ELSPBP1: variants seen among roughly 807,000 people sequenced by gnomAD.
The protein encoded by ELSPBP1 is epididymal sperm binding protein 1.
In ELSPBP1, 38 loss-of-function variants were observed where a neutral mutation model predicts 33.3. The ratio of observed to expected loss-of-function variants is 1.14; its 90% CI spans 0.88 to 1.50. The LOEUF (loss-of-function observed/expected upper bound fraction) is 1.50, where lower values mean the gene tolerates loss of function less well. ELSPBP1 is among the 40% of genes most tolerant of loss of function. The pLI is 0.00. For synonymous variants in ELSPBP1, 85 were observed against 94.1 expected, an observed-to-expected ratio of 0.90 and a Z score of 0.56; for missense variants, 267 against 263.5, an observed-to-expected ratio of 1.01 and a Z score of -0.09.
At chr19:47,999,387 CTTTTTTTTTTT>C (rs397937280) in intron 1 of ELSPBP1, among the ~76,000 whole-genome samples, 3 of 129,976 alleles carry the variant, frequency 2.3e-5, no homozygotes, top group African/African-American at 8.8e-5. Context: ...AGCCTCATTT[CTTTTTTTTTTT>C]TTTTTTTTGA....
At chr19:48,015,814 G>A in intron 3 of ELSPBP1, 79 bp from the exon 4 acceptor site, 1 of 1,372,078 alleles carries the variant, frequency 7.3e-7, no homozygotes, top group Non-Finnish European at 1.0e-6. Context: ...GTCCTATGAT[G>A]GTTGATTGAT....
chr19:48,022,377 G>C (rs1967211298), intron 6 of ELSPBP1, 43 bp downstream of exon 6: 1 of 1,536,554 alleles, frequency 6.5e-7, no homozygotes, highest in Admixed American at 2.0e-5. Context: ...GGATGCAGAG[G>C]TGAGACAGGT....
intron 4 of ELSPBP1, among the ~76,000 whole-genome samples, chr19:48,016,873 A>G (rs558306227): frequency 5.3e-5 from 8 of 152,126 alleles, no homozygotes; most frequent in Non-Finnish European, 1.0e-4. Context: ...TGCTAGGATT[A>G]CAGGCATGAG....
intron 1 of ELSPBP1, among the ~76,000 whole-genome samples, chr19:47,996,904 G>A (rs1030869398): frequency 3.3e-5 from 5 of 152,100 alleles, no homozygotes; most frequent in South Asian, 2.1e-4. Flanking sequence ...CATCATCATC[G>A]TCATCATTAA....
In ELSPBP1 at chr19:48,011,341, TGAC is replaced by T. The variant is rs754885178; in HGVS notation, c.70+2605_70+2607del. ...TGATGGTGACAATGACTGATGATGA[TGAC>T]AATTATGACGATGATGATGATGATG... On this transcript the variant is annotated intron_variant, in intron 2 of 6. Coordinates refer to ENST00000339841, the MANE Select transcript of ELSPBP1 (RefSeq NM_022142.5). This position sits in a 1 kb window ranked among gnomAD's most constrained non-coding sequence, Gnocchi z 4.5. Among the ~76,000 whole-genome samples, 105 of 151,700 alleles carry T rather than the reference TGAC, an allele frequency of 6.9e-4. No homozygotes were observed. Among genetic ancestry groups the T allele is most frequent in the African/African-American group, 9.0e-4 (37 of 41,308 alleles).
intron 1 of ELSPBP1, among the ~76,000 whole-genome samples, chr19:48,000,488 C>T (rs145013010): frequency 9.0e-4 from 137 of 152,246 alleles, no homozygotes; most frequent in African/African-American, 3.1e-3. Context: ...ATTCGCCCTC[C>T]TCGGCCTCCC....
At chr19:48,016,865 C>G (rs1450457653) in intron 4 of ELSPBP1, among the ~76,000 whole-genome samples, 2 of 152,116 alleles carry the variant, frequency 1.3e-5, no homozygotes, top group Non-Finnish European at 2.9e-5. Context: ...TCCCAAAATG[C>G]TAGGATTACA....
In ELSPBP1 at chr19:48,008,722, T is replaced by A. The variant is rs758462352; in HGVS notation, c.55T>A (p.Tyr19Asn). Residue 19 changes from tyrosine (Y) to asparagine (N), a missense_variant, in exon 2 of 7, where the codon TAT becomes AAT. By Grantham distance (143) the Tyr-to-Asn change is moderately radical. Transcript: ENST00000339841. Reference sequence around the variant, plus strand: ...ATGGACAACCTTCCTTCTCTATTCCTATGAGTCAAGTGGAGGTAAGGACAC... The same window carrying A: ...ATGGACAACCTTCCTTCTCTATTCCAATGAGTCAAGTGGAGGTAAGGACAC... ...LGWTTFLLYS[Y>N]ESSGGMHEEC... 6.2e-7 allele frequency: 1 copy of A among 1,613,700 alleles called. No homozygotes were observed.
In ELSPBP1 at chr19:48,007,975, T is replaced by A. The variant is rs368516732; in HGVS notation, c.-17-676T>A. On this transcript the variant is annotated intron_variant, in intron 1 of 6. Coordinates refer to ENST00000339841, the MANE Select transcript of ELSPBP1 (RefSeq NM_022142.5). ...TCATTTTTTTCTTTCCATCACACTT[T>A]CCTAAGGACAGTACATGACAGTAGA... is the stretch of plus-strand genomic sequence containing the variant. 2.5e-4 allele frequency among the ~76,000 whole-genome samples: 38 copies of A among 152,256 alleles called. 1 individual carries two copies. Among genetic ancestry groups the A allele is most frequent in the East Asian group, 1.2e-3 (6 of 5,184 alleles).
chr19:48,003,594 T>C (rs370415440), intron 1 of ELSPBP1, among the ~76,000 whole-genome samples: 37 of 149,720 alleles, frequency 2.5e-4, no homozygotes, highest in African/African-American at 8.8e-4. Flanking sequence ...TGGAGTGCAG[T>C]GGCACGATCT....
chr19:48,019,134 A>G (rs1193857589), intron 4 of ELSPBP1, among the ~76,000 whole-genome samples: 1 of 152,188 alleles, frequency 6.6e-6, no homozygotes, highest in Non-Finnish European at 1.5e-5. Flanking sequence ...AGCCTGGTTG[A>G]CAGAGAAAGA....
At chr19:48,000,985 T>A (rs376176666) in intron 1 of ELSPBP1, among the ~76,000 whole-genome samples, 7 of 152,186 alleles carry the variant, frequency 4.6e-5, no homozygotes, top group African/African-American at 1.7e-4. Flanking sequence ...TCAGTCTCAC[T>A]GGGGCTAAGA....
At chr19:48,022,887 C>A (rs117584619) in intron 6 of ELSPBP1, among the ~76,000 whole-genome samples, 213 of 140,612 alleles carry the variant, frequency 1.5e-3, no homozygotes, top group Middle Eastern at 3.6e-3. Flanking sequence ...CCTGTCTCTA[C>A]AAAAAAAAAA....
intron 6 of ELSPBP1, among the ~76,000 whole-genome samples, chr19:48,023,106 GGAAA>G (rs1051664195): frequency 1.4e-5 from 2 of 144,394 alleles, no homozygotes; most frequent in African/African-American, 5.1e-5. Flanking sequence ...AAGGAAGGAA[GGAAA>G]GAGAGAGGGA....
At chr19:48,019,571 GGA>G (rs1967176379) in intron 4 of ELSPBP1, 146 bp from the exon 5 acceptor site, 2 of 662,982 alleles carry the variant, frequency 3.0e-6, no homozygotes, top group Admixed American at 6.0e-5. Context: ...CGTAACATTG[GGA>G]TAATAACGTC....
chr19:47,995,809 A>C (rs1171080394), intron 1 of ELSPBP1, among the ~76,000 whole-genome samples: 1 of 152,160 alleles, frequency 6.6e-6, no homozygotes, highest in Non-Finnish European at 1.5e-5. Flanking sequence ...AGAGAGGTGA[A>C]ATGACCTTCC....
At chr19:48,001,054 GGCTTCTTCCAGCT>G (rs1169331389) in intron 1 of ELSPBP1, among the ~76,000 whole-genome samples, 5 of 152,152 alleles carry the variant, frequency 3.3e-5, no homozygotes, top group Non-Finnish European at 7.4e-5. Context: ...TCCGCTTCCT[GGCTTCTTCCAGCT>G]TCTAAAGGTC....
intron 2 of ELSPBP1, among the ~76,000 whole-genome samples, chr19:48,009,317 C>A (rs1002625580): frequency 2.6e-5 from 4 of 152,030 alleles, no homozygotes; most frequent in Non-Finnish European, 5.9e-5. Context: ...ATAATGGGCA[C>A]CAGCATCTTT....
chr19:48,000,926 A>G (rs1600100755), intron 1 of ELSPBP1, among the ~76,000 whole-genome samples: 1 of 152,186 alleles, frequency 6.6e-6, no homozygotes, highest in African/African-American at 2.4e-5. Flanking sequence ...ACAAATCCCC[A>G]CACACCTAAC....
Sources: allele counts gnomAD v4.1 joint callset (sites outside exome capture counted in the v4.1 genomes callset), GRCh38; gene constraint gnomAD v4.1.1; non-coding constraint Gnocchi (gnomAD v3.1); transcripts MANE v1.5; gene names NCBI Gene and HGNC (gene_info 2026-07-23, HGNC 2026-07-21).